RASEF: variants seen among roughly 807,000 people sequenced by gnomAD.
RASEF encodes RAS and EF-hand domain containing, also known as ras and EF-hand domain-containing protein.
Under a neutral mutation model 90.1 loss-of-function variants are expected in RASEF, and 68 were observed. The observed-to-expected ratio is 0.75, with a 90% CI of 0.62 to 0.92. RASEF has a LOEUF of 0.92. Ranked by LOEUF, RASEF falls within the 40% of genes least tolerant of loss-of-function variation. The probability of loss-of-function intolerance (pLI) is 0.00; values close to 1 mark genes in which losing one functional copy is unlikely to be tolerated. For missense variants in RASEF, 949 were observed against 937.2 expected (o/e 1.01, Z -0.16); for synonymous variants, 331 against 345.2 (o/e 0.96, Z 0.46).
the RASEF span, among the ~76,000 whole-genome samples, chr9:83,193,359 G>T: frequency 2.6e-5 from 4 of 152,184 alleles, no homozygotes; most frequent in Non-Finnish European, 4.4e-5. Context: ...TAGAATCAGA[G>T]AAAGAAGAAA....
At chr9:83,112,586 C>T in the RASEF span, among the ~76,000 whole-genome samples, 2 of 151,946 alleles carry the variant, frequency 1.3e-5, no homozygotes, top group African/African-American at 4.8e-5. Flanking sequence ...ACTTGGGAGC[C>T]TGAGGGAGGA....
At chr9:83,121,605 G>C in the RASEF span, among the ~76,000 whole-genome samples, 1 of 128,684 alleles carries the variant, frequency 7.8e-6, no homozygotes, top group Admixed American at 7.9e-5. Flanking sequence ...ATGACAGACT[G>C]TGTGGCCCCT....
the RASEF span, among the ~76,000 whole-genome samples, chr9:83,218,402 A>T: frequency 6.6e-6 from 1 of 152,052 alleles, no homozygotes; most frequent in South Asian, 2.1e-4. Flanking sequence ...CTAGATTTCC[A>T]TTTGGCCTCC....
intron 1 of RASEF, among the ~76,000 whole-genome samples, chr9:83,059,684 C>G (rs907666596): frequency 6.6e-6 from 1 of 152,124 alleles, no homozygotes; most frequent in African/African-American, 2.4e-5. Context: ...CTCCCAAATT[C>G]TCTTATGTAA....
the RASEF span, among the ~76,000 whole-genome samples, chr9:83,089,947 T>C: frequency 7.0e-6 from 1 of 142,940 alleles, no homozygotes; most frequent in African/African-American, 2.8e-5. Flanking sequence ...GATAGATAGA[T>C]ATAGATATAT....
the RASEF span, among the ~76,000 whole-genome samples, chr9:83,158,963 G>C: frequency 6.6e-6 from 1 of 151,764 alleles, no homozygotes; most frequent in Non-Finnish European, 1.5e-5. Flanking sequence ...GAGGCGGGTA[G>C]ATCACAAGGT....
chr9:83,178,604 A>G, the RASEF span, among the ~76,000 whole-genome samples: 2 of 152,078 alleles, frequency 1.3e-5, no homozygotes, highest in South Asian at 2.1e-4. Context: ...CACGAATCCA[A>G]CTGCATACTA....
chr9:83,117,368 C>A, the RASEF span, among the ~76,000 whole-genome samples: 1 of 152,138 alleles, frequency 6.6e-6, no homozygotes, highest in African/African-American at 2.4e-5. Flanking sequence ...CAAAATGACT[C>A]CTTTTGGATT....
the RASEF span, among the ~76,000 whole-genome samples, chr9:83,133,146 G>A: frequency 2.6e-5 from 4 of 152,138 alleles, no homozygotes; most frequent in African/African-American, 7.2e-5. Context: ...GAGAGATTTT[G>A]TTCCTAACCT....
chr9:83,040,831 C>T (rs1057471565), intron 1 of RASEF, among the ~76,000 whole-genome samples: 1 of 152,156 alleles, frequency 6.6e-6, no homozygotes, highest in African/African-American at 2.4e-5. Flanking sequence ...TAGAATTCTA[C>T]ACAACCTGCT....
At chr9:83,122,704 T>C in the RASEF span, among the ~76,000 whole-genome samples, 3 of 152,234 alleles carry the variant, frequency 2.0e-5, no homozygotes, top group African/African-American at 7.2e-5. Flanking sequence ...TACAAAATGT[T>C]TTATGTATTT....
the RASEF span, among the ~76,000 whole-genome samples, chr9:83,125,297 G>A: frequency 6.6e-6 from 1 of 152,132 alleles, no homozygotes; most frequent in Non-Finnish European, 1.5e-5. Flanking sequence ...GCTGGACAAG[G>A]CATGAAAACA....
chr9:83,008,098 T>C (rs1003272422), intron 6 of RASEF, among the ~76,000 whole-genome samples: 1 of 152,086 alleles, frequency 6.6e-6, no homozygotes, highest in Admixed American at 6.5e-5. Flanking sequence ...TGTTGCTTTA[T>C]GATGGAAGCT....
At chr9:83,005,793 T>C (rs190939369) in intron 7 of RASEF, among the ~76,000 whole-genome samples, 1 of 152,222 alleles carries the variant, frequency 6.6e-6, no homozygotes, top group African/African-American at 2.4e-5. Context: ...TGAACAGATT[T>C]CATGCAGGTC....
the RASEF span, among the ~76,000 whole-genome samples, chr9:83,148,239 T>C: frequency 6.6e-6 from 1 of 152,296 alleles, no homozygotes; most frequent in Admixed American, 6.5e-5. Context: ...TCTAATCAGA[T>C]ATTAAAATAT....
At chr9:83,158,395 G>C in the RASEF span, among the ~76,000 whole-genome samples, 10 of 151,522 alleles carry the variant, frequency 6.6e-5, no homozygotes, top group Admixed American at 1.3e-4. Context: ...TAAAAATTCA[G>C]TTTTCTTACT....
chr9:83,168,628 T>G, the RASEF span, among the ~76,000 whole-genome samples: 1 of 152,112 alleles, frequency 6.6e-6, no homozygotes, highest in Admixed American at 6.6e-5. Flanking sequence ...AAAAAGCAAA[T>G]ACTCCAATTT....
the RASEF span, among the ~76,000 whole-genome samples, chr9:83,144,391 G>GAAAGAAAAGAAAGAAAGAAAGAAA: frequency 1.8e-4 from 6 of 33,220 alleles, no homozygotes; most frequent in Non-Finnish European, 3.0e-4. Flanking sequence ...AAGAAAGAAA[G>GAAAGAAAAGAAAGAAAGAAAGAAA]GAAAGAAAGA....
At chr9:83,130,238 AT>A in the RASEF span, among the ~76,000 whole-genome samples, 1 of 152,206 alleles carries the variant, frequency 6.6e-6, no homozygotes, top group East Asian at 1.9e-4. Context: ...TCCTTGTGTA[AT>A]TTTTTTAAGA....
Sources: gnomAD v4.1 joint callset for allele counts (sites outside exome capture counted in the v4.1 genomes callset) on GRCh38, gnomAD v4.1.1 for gene constraint, MANE v1.5 for transcripts, NCBI Gene and HGNC (gene_info 2026-07-23, HGNC 2026-07-21) for gene names.